The following OSBPL9 variants were observed in gnomAD, a reference collection of about 807,000 sequenced individuals.
OSBPL9 encodes oxysterol binding protein like 9, also known as oxysterol-binding protein-related protein 9.
In OSBPL9, 40 loss-of-function variants were observed where a neutral mutation model predicts 106.6. The ratio of observed to expected loss-of-function variants is 0.38; its 90% confidence interval spans 0.29 to 0.49. The LOEUF is 0.49. Ranked by LOEUF, OSBPL9 falls within the 20% of genes least tolerant of loss-of-function variation. OSBPL9 has a pLI of 0.97. For missense variants in OSBPL9, 609 were observed against 887.2 expected, an observed-to-expected ratio of 0.69 and a Z score of 3.98; for synonymous variants, 269 against 295.4, an observed-to-expected ratio of 0.91 and a Z score of 0.92.
chr1:51,779,412 A>G (rs1369894198), intron 15 of OSBPL9, among the ~76,000 whole-genome samples: 1 of 152,254 alleles, frequency 6.6e-6, no homozygotes, highest in Non-Finnish European at 1.5e-5. Context: ...AACATATATC[A>G]GAGACTTAAA....
Position 51,714,059 on chromosome 1 carries a change from C to A in OSBPL9, c.298C>A (p.Arg100=). ...WIHALEETIL[R]HTLQLQGLDS... Reference sequence around the variant, plus strand: ...CCATGCCTTAGAAGAAACAATTCTTCGACATACTCTCCAGCTTCAAGTAAG... The same window carrying A: ...CCATGCCTTAGAAGAAACAATTCTTAGACATACTCTCCAGCTTCAAGTAAG... Residue 100 remains arginine (R), a synonymous_variant, in exon 4 of 24, where the codon CGA becomes AGA. Coordinates refer to ENST00000428468, the MANE Select transcript of OSBPL9 (RefSeq NM_024586.6). The A allele has an allele frequency of 6.2e-7, 1 of 1,608,852 alleles. No homozygotes were observed. The highest frequency in any genetic ancestry group is 8.5e-7 in the Non-Finnish European group (1 of 1,176,924).
intron 1 of OSBPL9, among the ~76,000 whole-genome samples, chr1:51,622,958 G>T (rs777652604): frequency 6.6e-6 from 1 of 152,190 alleles, no homozygotes; most frequent in Non-Finnish European, 1.5e-5. Flanking sequence ...GAGGAAAAAA[G>T]CTTGCACAGG....
chr1:51,663,196 C>T (rs1321054903), intron 2 of OSBPL9, among the ~76,000 whole-genome samples: 6 of 151,874 alleles, frequency 4.0e-5, no homozygotes, highest in Admixed American at 3.9e-4. Flanking sequence ...AATGATAAAA[C>T]ATTATTGAAA....
intron 1 of OSBPL9, among the ~76,000 whole-genome samples, chr1:51,638,726 G>C (rs1645602017): frequency 6.6e-6 from 1 of 151,676 alleles, no homozygotes. Context: ...AAAAATATTA[G>C]CTGGGTGTGG....
In OSBPL9 at chr1:51,756,318, A is replaced by C; in HGVS notation, c.544-2A>C. The C allele has an allele frequency of 6.2e-7, 1 of 1,612,242 alleles. No homozygotes were observed. The highest frequency in any genetic ancestry group is 8.5e-7 in the Non-Finnish European group (1 of 1,178,606). ...TTAATATTTTTAACATTTTTCCTTA[A>C]GGACCAGAGTAATGCGGAGAAGCAC... On this transcript the variant is annotated splice_acceptor_variant, in intron 8 of 23. Coordinates refer to ENST00000428468, the MANE Select transcript of OSBPL9 (RefSeq NM_024586.6). LOFTEE classifies it high-confidence loss of function.
upstream of OSBPL9, among the ~76,000 whole-genome samples, chr1:51,576,525 G>T (rs12069971): frequency 0.16 from 23,929 of 151,806 alleles, 3,636 homozygotes; most frequent in African/African-American, 0.4. Context: ...GTTTTTTTGG[G>T]TTTTTTTGTT....
chr1:51,656,654 C>T (rs1410669725), intron 2 of OSBPL9, among the ~76,000 whole-genome samples: 3 of 147,204 alleles, frequency 2.0e-5, no homozygotes, highest in Non-Finnish European at 4.5e-5. Flanking sequence ...GCTTCTCCTC[C>T]CCCTCCTCGC....
At chr1:51,711,820 C>T (rs1011447004) in intron 3 of OSBPL9, among the ~76,000 whole-genome samples, 17 of 150,656 alleles carry the variant, frequency 1.1e-4, no homozygotes, top group African/African-American at 3.2e-4. Flanking sequence ...TGATGGGCGG[C>T]GGGGCAGAGA....
chr1:51,766,042 G>T lies in OSBPL9; in HGVS notation c.938+61G>T. ...CTCCTGATTTTTAAAAATCTAATTT[G>T]ATTTTGAGACTAGTGTTAATGACAG... On this transcript the variant is annotated intron_variant, in intron 12 of 23. Coordinates refer to ENST00000428468, the MANE Select transcript of OSBPL9 (RefSeq NM_024586.6). The T allele has an allele frequency of 2.8e-6, 4 of 1,448,490 alleles. No homozygotes were observed. In the South Asian group the frequency reaches 5.8e-5, roughly 21 times the overall value. 89.7% of individuals were successfully genotyped at this position (1,448,490 alleles called of 1,614,324 possible).
At position 51,672,613 on chromosome 1, in the gene OSBPL9, T is replaced by C. The variant is rs145693020; in HGVS notation, c.241+3101T>C. ...CCATATGTACTCTCTTTTCTGGCTTTATTTTAGCTCAGCATAATGTTTTTA... is the reference window on the plus strand; with the variant it reads ...CCATATGTACTCTCTTTTCTGGCTTCATTTTAGCTCAGCATAATGTTTTTA... On this transcript the variant is annotated intron_variant, in intron 3 of 23. Coordinates refer to ENST00000428468, the MANE Select transcript of OSBPL9 (RefSeq NM_024586.6). 5.6e-3 allele frequency among the ~76,000 whole-genome samples: 856 copies of C among 152,348 alleles called. 2 individuals are homozygous for C. The highest frequency in any genetic ancestry group is 0.02 in the African/African-American group (811 of 41,574).
rs191044977 is a variant in OSBPL9, at chr1:51,684,813, C to T, written c.241+15301C>T. ...CCTCCCAAAGTGTTGGGATTATAGG[C>T]GTGAGCCACCGCGCCTGGCCAAGAA... On this transcript the variant is annotated intron_variant, in intron 3 of 23. Transcript: ENST00000428468. 6.9e-4 allele frequency among the ~76,000 whole-genome samples: 105 copies of T among 152,208 alleles called. 1 individual carries two copies. The highest frequency in any genetic ancestry group is 1.2e-3 in the South Asian group (6 of 4,828).
intron 4 of OSBPL9, among the ~76,000 whole-genome samples, chr1:51,726,174 C>G (rs1010049291): frequency 2.0e-5 from 3 of 152,090 alleles, no homozygotes; most frequent in Non-Finnish European, 4.4e-5. Flanking sequence ...GGAGGTTGCC[C>G]CTTGTGAGTT....
chr1:51,633,768 T>C (rs1645255988), intron 1 of OSBPL9, among the ~76,000 whole-genome samples: 1 of 152,030 alleles, frequency 6.6e-6, no homozygotes, highest in Non-Finnish European at 1.5e-5. Context: ...ACCACAGGTG[T>C]GAACCACCAC....
the OSBPL9 span, among the ~76,000 whole-genome samples, chr1:51,540,987 C>T: frequency 1.3e-5 from 2 of 148,540 alleles, no homozygotes; most frequent in Admixed American, 1.3e-4. Flanking sequence ...AAAAATTACT[C>T]AGGCATGGTG....
At chr1:51,650,666 A>C (rs546086703) in intron 1 of OSBPL9, among the ~76,000 whole-genome samples, 3 of 152,200 alleles carry the variant, frequency 2.0e-5, no homozygotes, top group Non-Finnish European at 4.4e-5. Flanking sequence ...CTATAGTTTC[A>C]TGTGGGATAA....
Position 51,772,646 on chromosome 1 carries a change from G to T in OSBPL9, c.1093G>T (p.Ala365Ser). The change falls in exon 14 of 24, where the codon GCA becomes TCA. Residue 365 changes from alanine (A) to serine (S), a missense_variant. Ala to Ser is a moderately conservative substitution (Grantham distance 99). Coordinates refer to ENST00000428468, the MANE Select transcript of OSBPL9 (RefSeq NM_024586.6). ...TGATGACAGAGATGATGATGCGGAG[G>T]CAGGGTCTGTGGAGGAGCACAAGAG... Reference protein sequence around the residue: ...SHDDRDDDAEAGSVEEHKSVI... With the variant: ...SHDDRDDDAESGSVEEHKSVI... The T allele has an allele frequency of 6.2e-7, 1 of 1,614,214 alleles. No individual in the cohort carries two copies. The highest frequency in any genetic ancestry group is 2.2e-5 in the East Asian group (1 of 44,882).
the OSBPL9 span, among the ~76,000 whole-genome samples, chr1:51,545,462 A>C: frequency 6.6e-6 from 1 of 152,178 alleles, no homozygotes; most frequent in African/African-American, 2.4e-5. Context: ...AGTCCCAGCT[A>C]CAGTCCCACC....
At chr1:51,786,669 TAGGCGTAGGCAC>T in intron 22 of OSBPL9, 52 bp downstream of exon 22, 3 of 1,461,548 alleles carry the variant, frequency 2.1e-6, no homozygotes, top group Non-Finnish European at 1.9e-6. Context: ...AAACTTTGCC[TAGGCGTAGGCAC>T]AGGGCTGGGT....
At position 51,726,813 on chromosome 1, in the gene OSBPL9, T is replaced by G. The variant is rs189698118; in HGVS notation, c.318+12734T>G. On this transcript the variant is annotated intron_variant, in intron 4 of 23. Transcript: ENST00000428468. ...GGCTTTAACAGCTTTTAGTTTTGTT[T>G]CTGTTTTTTTAACAGCATGAGTTGC... Among the ~76,000 whole-genome samples the G allele has an allele frequency of 5.3e-5, 8 of 152,342 alleles. No individual in the cohort carries two copies. In the East Asian group the frequency reaches 1.3e-3, roughly 26 times the overall value.
Sources: gnomAD v4.1 joint callset for allele counts (sites outside exome capture counted in the v4.1 genomes callset) on GRCh38, gnomAD v4.1.1 for gene constraint, MANE v1.5 for transcripts, NCBI Gene and HGNC (gene_info 2026-07-23, HGNC 2026-07-21) for gene names.